The following SLC30A9 variants were observed in gnomAD, a reference collection of about 807,000 sequenced individuals.
SLC30A9 encodes the protein proton-coupled zinc antiporter SLC30A9, mitochondrial.
Under a neutral mutation model 87.5 loss-of-function variants are expected in SLC30A9, and 58 were observed. The observed-to-expected ratio is 0.66, with a 90% CI of 0.54 to 0.82. The LOEUF (loss-of-function observed/expected upper bound fraction) is 0.82. Among genes scored for constraint, SLC30A9 ranks in the 40% least tolerant of loss-of-function variants. SLC30A9 has a pLI of 0.00. For synonymous variants in SLC30A9, 234 were observed against 233.0 expected, an observed-to-expected ratio of 1.00 and a Z score of -0.04; for missense variants, 557 against 679.1, an observed-to-expected ratio of 0.82 and a Z score of 2.00.
At chr4:42,040,896 A>G (rs897158284) in intron 8 of SLC30A9, among the ~76,000 whole-genome samples, 1 of 151,958 alleles carries the variant, frequency 6.6e-6, no homozygotes, top group South Asian at 2.1e-4. Context: ...CCAGGAGTGT[A>G]TTAGTCCATT....
At chr4:42,017,599 C>G (rs952884195) in intron 2 of SLC30A9, among the ~76,000 whole-genome samples, 2 of 151,870 alleles carry the variant, frequency 1.3e-5, no homozygotes, top group East Asian at 3.8e-4. Flanking sequence ...GAGGTAGATT[C>G]AAATTTTTTA....
At chr4:42,039,105 G>A (rs1175681559) in intron 8 of SLC30A9, 52 bp downstream of exon 8, 1 of 1,276,972 alleles carries the variant, frequency 7.8e-7, no homozygotes, top group Non-Finnish European at 1.1e-6. Context: ...TTTTAAATAT[G>A]TATATCCTTA....
Position 42,020,399 on chromosome 4 carries a change from T to G in SLC30A9, c.335-17T>G. The G allele has an allele frequency of 8.4e-7, 1 of 1,194,978 alleles. No homozygotes were observed. The highest frequency in any genetic ancestry group is 1.2e-6 in the Non-Finnish European group (1 of 813,956). The allele number at this position is 1,194,978 out of a possible 1,614,324, so 74.0% of individuals were successfully genotyped here. A position where few individuals can be genotyped will look rare whatever the true frequency, so the allele number is the denominator to read the frequency against. ...TTCAATGTGCATATTTATTATGTTT[T>G]CCTGTTTTTTGTTTAGTTAAAGCAG... is the stretch of plus-strand genomic sequence containing the variant. On this transcript the variant is annotated splice_polypyrimidine_tract_variant and intron_variant, in intron 3 of 17. Transcript: ENST00000264451.
chr4:42,041,912 C>T (rs984380866), intron 8 of SLC30A9, among the ~76,000 whole-genome samples: 2 of 152,088 alleles, frequency 1.3e-5, no homozygotes, highest in African/African-American at 2.4e-5. Context: ...TGGAGGGTGA[C>T]CCGAAGCAGG....
chr4:42,053,803 A>G (rs1306759044), intron 9 of SLC30A9, among the ~76,000 whole-genome samples: 1 of 152,098 alleles, frequency 6.6e-6, no homozygotes, highest in South Asian at 2.1e-4. Flanking sequence ...TACAGCAGAT[A>G]AACAAATTGT....
intron 8 of SLC30A9, among the ~76,000 whole-genome samples, chr4:42,039,556 G>A (rs755151309): frequency 1.7e-4 from 25 of 150,944 alleles, no homozygotes; most frequent in Non-Finnish European, 2.2e-4. Flanking sequence ...TCTGCCTCCC[G>A]GGTTCAAGCC....
chr4:41,991,946 G>A lies in SLC30A9; in HGVS notation c.109+1186G>A, dbSNP rs181442994. 1.0e-3 allele frequency among the ~76,000 whole-genome samples: 155 copies of A among 152,210 alleles called. 1 individual carries two copies. The highest frequency in any genetic ancestry group is 3.6e-3 in the African/African-American group (150 of 41,512). On this transcript the variant is annotated intron_variant, in intron 1 of 17. Coordinates refer to ENST00000264451, the MANE Select transcript of SLC30A9 (RefSeq NM_006345.4). ...AATTTCAAACGGATAAATTTTAACA[G>A]CACTATTCCCAGGGCTTTTTTGGTA... is the stretch of plus-strand genomic sequence containing the variant.
At chr4:42,055,152 C>T (rs1266703129) in intron 9 of SLC30A9, among the ~76,000 whole-genome samples, 2 of 152,028 alleles carry the variant, frequency 1.3e-5, no homozygotes, top group East Asian at 1.9e-4. Context: ...GGCAAAACCC[C>T]GTCTCTTAGA....
chr4:42,020,386 A>G (rs1715899277), intron 3 of SLC30A9, 30 bp from the exon 4 acceptor site: 2 of 1,062,778 alleles, frequency 1.9e-6, no homozygotes, highest in Non-Finnish European at 2.9e-6. Flanking sequence ...CAATGTGCAT[A>G]TTTATTATGT....
chr4:42,007,224 A>G (rs1302207361), intron 2 of SLC30A9, among the ~76,000 whole-genome samples: 1 of 152,136 alleles, frequency 6.6e-6, no homozygotes, highest in East Asian at 1.9e-4. Flanking sequence ...TGGGGGATGA[A>G]GAAGAGGGTC....
At chr4:42,063,447 T>C (rs1364808627) in intron 11 of SLC30A9, among the ~76,000 whole-genome samples, 1 of 152,346 alleles carries the variant, frequency 6.6e-6, no homozygotes, top group South Asian at 2.1e-4. Flanking sequence ...GTCCCAAGAA[T>C]AGTCTCATTT....
intron 17 of SLC30A9, among the ~76,000 whole-genome samples, chr4:42,079,631 G>T (rs1254334333): frequency 1.5e-5 from 2 of 135,774 alleles, no homozygotes; most frequent in Non-Finnish European, 3.1e-5. Flanking sequence ...TAACTGAGAC[G>T]GAGTCTCGCA....
intron 7 of SLC30A9, 79 bp downstream of exon 7, chr4:42,035,412 C>A: frequency 6.7e-7 from 1 of 1,495,410 alleles, no homozygotes; most frequent in Non-Finnish European, 9.1e-7. Context: ...AAAATTCTAG[C>A]ATGTCTGTGA....
chr4:42,034,122 C>T (rs186331993), intron 6 of SLC30A9, among the ~76,000 whole-genome samples: 3 of 147,720 alleles, frequency 2.0e-5, no homozygotes, highest in African/African-American at 7.3e-5. Context: ...AATACTCTCT[C>T]ATATTTTTCA....
In SLC30A9 at chr4:42,022,432, A is replaced by G. The variant is rs182725363; in HGVS notation, c.435-406A>G. ...TTTTTAGTAGAGACGGGGTTTCACCATGTTGACCAGGCTGGTCTCGAACTC... is the reference window on the plus strand; with the variant it reads ...TTTTTAGTAGAGACGGGGTTTCACCGTGTTGACCAGGCTGGTCTCGAACTC... On this transcript the variant is annotated intron_variant, in intron 4 of 17. Transcript: ENST00000264451. Among the ~76,000 whole-genome samples the G allele has an allele frequency of 1.7e-3, 261 of 151,252 alleles. 1 individual carries two copies. The highest frequency in any genetic ancestry group is 5.7e-3 in the African/African-American group (236 of 41,218).
Position 42,001,747 on chromosome 4 carries a change from C to G in SLC30A9, c.241C>G (p.Leu81Val). 6.2e-7 allele frequency: 1 copy of G among 1,609,968 alleles called. No homozygotes were observed. The highest frequency in any genetic ancestry group is 8.5e-7 in the Non-Finnish European group (1 of 1,178,258). ...GAAAGAAGGACAGGGATCACAAACA[C>G]TCAGAGTGGAAAAAGTACCATCATT... Reference protein sequence around the residue: ...VQKEGQGSQTLRVEKVPSFET... With the variant: ...VQKEGQGSQTVRVEKVPSFET... The change falls in exon 2 of 18, where the codon CTC becomes GTC. Residue 81 changes from leucine to valine, a missense_variant. This residue lies in a region of SLC30A9 where 467 missense variants were observed against 529.8 expected (regional missense o/e 0.88). Coordinates refer to ENST00000264451, the MANE Select transcript of SLC30A9 (RefSeq NM_006345.4).
At chr4:42,027,210 A>G (rs149685912) in intron 6 of SLC30A9, among the ~76,000 whole-genome samples, 328 of 152,342 alleles carry the variant, frequency 2.2e-3, no homozygotes, top group African/African-American at 7.6e-3. Flanking sequence ...AAGAGTAACA[A>G]TATTTTGTGA....
At chr4:42,050,462 C>G (rs1717340744) in intron 9 of SLC30A9, among the ~76,000 whole-genome samples, 1 of 152,028 alleles carries the variant, frequency 6.6e-6, no homozygotes, top group African/African-American at 2.4e-5. Context: ...GTCCATATGG[C>G]AAGGAGATAT....
At chr4:42,024,243 T>C (rs1433467736) in intron 6 of SLC30A9, among the ~76,000 whole-genome samples, 6 of 152,140 alleles carry the variant, frequency 3.9e-5, no homozygotes, top group African/African-American at 9.7e-5. Flanking sequence ...CCCAGCTACT[T>C]GCCTGTAATC....
Sources: allele counts gnomAD v4.1 joint callset (sites outside exome capture counted in the v4.1 genomes callset), GRCh38; gene constraint gnomAD v4.1.1; regional missense constraint gnomAD v4.1.1; transcripts MANE v1.5; gene names NCBI Gene and HGNC (gene_info 2026-07-23, HGNC 2026-07-21).